The following ABLIM1 variants were observed in gnomAD, a reference collection of about 807,000 sequenced individuals.
The protein encoded by ABLIM1 is actin-binding LIM protein 1.
A neutral mutation model predicts 107.0 loss-of-function variants in ABLIM1; 40 were observed. The ratio of observed to expected loss-of-function variants is 0.37; its 90% CI spans 0.29 to 0.49. ABLIM1 has a LOEUF of 0.49. ABLIM1 is among the 20% of genes least tolerant of loss of function. ABLIM1 has a pLI of 0.97. For missense variants in ABLIM1, 857 were observed against 1,008.5 expected (o/e 0.85, Z 2.04); for synonymous variants, 357 against 357.3 (o/e 1.00, Z 0.01).
In ABLIM1 at chr10:114,496,297, C is replaced by T. The variant is rs200574219; in HGVS notation, c.895-4419G>A. Among the ~76,000 whole-genome samples the T allele has an allele frequency of 3.3e-5, 5 of 152,208 alleles. No homozygotes were observed. In the East Asian group the frequency reaches 7.7e-4, roughly 23 times the overall value. On this transcript the variant is annotated intron_variant, in intron 6 of 22. Transcript: ENST00000533213. ...ATTAGTAAAAACACTGCTACATATA[C>T]ACCATGGAATACTATGTAGCCATAA...
chr10:114,731,890 G>A (rs12761991), intron 1 of ABLIM1, among the ~76,000 whole-genome samples: 54,521 of 152,082 alleles, frequency 0.36, 11,243 homozygotes, highest in Non-Finnish European at 0.47. Context: ...GATTACAGGC[G>A]TGAGCCACCA....
chr10:114,673,271 C>A (rs374703053), intron 1 of ABLIM1, among the ~76,000 whole-genome samples: 1,694 of 127,764 alleles, frequency 0.013, 28 homozygotes, highest in African/African-American at 0.042. Context: ...AAAAAAAAAA[C>A]AAAAAAAAAA....
chr10:114,736,690 C>A (rs2082186853), intron 1 of ABLIM1, among the ~76,000 whole-genome samples: 1 of 152,170 alleles, frequency 6.6e-6, no homozygotes, highest in South Asian at 2.1e-4. Context: ...TCATATATTT[C>A]TGCTTTTAAA....
chr10:114,461,655 C>T (rs188048029), intron 12 of ABLIM1, among the ~76,000 whole-genome samples: 69 of 151,872 alleles, frequency 4.5e-4, no homozygotes, highest in African/African-American at 1.6e-3. Flanking sequence ...CCAGTCTCTA[C>T]CAGAAACACA....
At position 114,436,381 on chromosome 10, in the gene ABLIM1, GA is replaced by G. The variant is rs1565185609; in HGVS notation, c.2224-9del. 3 of 1,555,230 alleles carry G rather than the reference GA, an allele frequency of 1.9e-6. No individual in the cohort carries two copies. Among genetic ancestry groups the G allele is most frequent in the East Asian group, 4.5e-5 (2 of 44,254 alleles). On this transcript the variant is annotated splice_polypyrimidine_tract_variant and intron_variant, in intron 22 of 22. Coordinates refer to ENST00000533213, the MANE Select transcript of ABLIM1 (RefSeq NM_002313.7). ...TTCAGGGGCTAAGTGGCGCTGGGAA[GA>G]AGAAAAAAAAAAAAGAGCTGCTGTC... is the stretch of plus-strand genomic sequence containing the variant.
chr10:114,736,804 G>A (rs1014820615), intron 1 of ABLIM1, among the ~76,000 whole-genome samples: 1 of 152,218 alleles, frequency 6.6e-6, no homozygotes, highest in African/African-American at 2.4e-5. Flanking sequence ...GGGCACACCT[G>A]CACAGCCTAG....
At chr10:114,491,068 C>T (rs1404155824) in intron 7 of ABLIM1, among the ~76,000 whole-genome samples, 1 of 145,560 alleles carries the variant, frequency 6.9e-6, no homozygotes, top group Non-Finnish European at 1.5e-5. Flanking sequence ...TGAGGATTCC[C>T]TATGTTGCCC....
intron 6 of ABLIM1, among the ~76,000 whole-genome samples, chr10:114,542,354 G>A (rs2066772676): frequency 6.7e-6 from 1 of 148,652 alleles, no homozygotes; most frequent in Admixed American, 6.8e-5. Flanking sequence ...AAGTTGCAGT[G>A]AGGTATGATT....
intron 1 of ABLIM1, among the ~76,000 whole-genome samples, chr10:114,743,678 C>T (rs1355721682): frequency 2.0e-5 from 3 of 152,102 alleles, no homozygotes; most frequent in Non-Finnish European, 4.4e-5. Flanking sequence ...ATTTCAAAAA[C>T]GAAAACCTCA....
intron 6 of ABLIM1, among the ~76,000 whole-genome samples, chr10:114,544,784 CT>C (rs199906362): frequency 3.3e-5 from 5 of 150,256 alleles, no homozygotes; most frequent in South Asian, 2.1e-4. Context: ...CTTTATCATT[CT>C]TTTTTTTTTC....
At chr10:114,592,153 C>T (rs1307941385) in intron 2 of ABLIM1, among the ~76,000 whole-genome samples, 1 of 152,228 alleles carries the variant, frequency 6.6e-6, no homozygotes, top group East Asian at 1.9e-4. Flanking sequence ...TATATAAATA[C>T]ATATATATGT....
At chr10:114,681,442 G>T (rs181029402) in intron 1 of ABLIM1, among the ~76,000 whole-genome samples, 2 of 152,110 alleles carry the variant, frequency 1.3e-5, no homozygotes, top group African/African-American at 4.8e-5. Flanking sequence ...TGATCTGCCC[G>T]CCTCAGCCTC....
intron 5 of ABLIM1, 193 bp downstream of exon 5, chr10:114,547,456 AT>A: frequency 1.5e-6 from 1 of 652,404 alleles, no homozygotes; most frequent in East Asian, 2.9e-5. Context: ...TTAACATATC[AT>A]TAGGTTTATA....
At chr10:114,663,971 T>A (rs776602157) in intron 1 of ABLIM1, among the ~76,000 whole-genome samples, 2 of 152,210 alleles carry the variant, frequency 1.3e-5, no homozygotes, top group Non-Finnish European at 2.9e-5. Flanking sequence ...TATTTATAAT[T>A]CGTCTCTCTC....
At chr10:114,477,827 C>T (rs1347765908) in intron 8 of ABLIM1, among the ~76,000 whole-genome samples, 2 of 152,118 alleles carry the variant, frequency 1.3e-5, no homozygotes, top group East Asian at 1.9e-4. Context: ...CAGGTTCAAG[C>T]GATTCTACTG....
intron 22 of ABLIM1, among the ~76,000 whole-genome samples, chr10:114,436,651 T>C (rs1176060483): frequency 3.9e-5 from 6 of 152,128 alleles, no homozygotes; most frequent in African/African-American, 1.2e-4. Flanking sequence ...ATTTATTACA[T>C]TGGAGACAAC....
chr10:114,767,589 G>A (rs1270306652), intron 1 of ABLIM1, among the ~76,000 whole-genome samples: 1 of 151,050 alleles, frequency 6.6e-6, no homozygotes, highest in African/African-American at 2.4e-5. Flanking sequence ...GATTCATGCA[G>A]AGGGGAGTAC....
chr10:114,662,584 T>C (rs1318494129), upstream of ABLIM1, among the ~76,000 whole-genome samples: 1 of 152,200 alleles, frequency 6.6e-6, no homozygotes, highest in East Asian at 1.9e-4. Context: ...TACTGGCATA[T>C]GCTCCGGTCT....
intron 6 of ABLIM1, among the ~76,000 whole-genome samples, chr10:114,519,880 G>A (rs1347445962): frequency 1.3e-5 from 2 of 152,180 alleles, no homozygotes; most frequent in African/African-American, 4.8e-5. Flanking sequence ...AGGAAAAAAG[G>A]AACCAGCTGG....
Sources: gnomAD v4.1 joint callset for allele counts (sites outside exome capture counted in the v4.1 genomes callset) on GRCh38, gnomAD v4.1.1 for gene constraint, MANE v1.5 for transcripts, NCBI Gene and HGNC (gene_info 2026-07-23, HGNC 2026-07-21) for gene names.